IGF1R: variants seen among roughly 807,000 people sequenced by gnomAD.
IGF1R encodes insulin like growth factor 1 receptor, also known as insulin-like growth factor 1 receptor.
IGF1R carries 44 observed loss-of-function variants against 144.6 expected under a neutral mutation model. The observed-to-expected ratio is 0.30, with a 90% CI of 0.24 to 0.39. The LOEUF (loss-of-function observed/expected upper bound fraction) is 0.39, where lower values mean the gene tolerates loss of function less well. Among genes scored for constraint, IGF1R ranks in the 10% least tolerant of loss-of-function variants. IGF1R has a pLI of 1.00. For synonymous variants in IGF1R, 795 were observed against 722.8 expected (o/e 1.10, Z -1.60); for missense variants, 1,355 against 1,833.7 (o/e 0.74, Z 4.77).
chr15:98,697,450 G>C (rs753457143), intron 1 of IGF1R, among the ~76,000 whole-genome samples: 5 of 152,050 alleles, frequency 3.3e-5, no homozygotes, highest in Non-Finnish European at 7.4e-5. Flanking sequence ...CAGCACTCCT[G>C]GGGGACCCTT....
chr15:98,950,157 T>G (rs1039044439), intron 20 of IGF1R, among the ~76,000 whole-genome samples: 2 of 152,240 alleles, frequency 1.3e-5, no homozygotes, highest in African/African-American at 4.8e-5. Context: ...TGGGCTGTTA[T>G]GTCTGCATGA....
chr15:98,674,182 C>G (rs181842852), intron 1 of IGF1R, among the ~76,000 whole-genome samples: 3 of 152,204 alleles, frequency 2.0e-5, no homozygotes, highest in African/African-American at 7.2e-5. Context: ...TGCATTGAAA[C>G]AGGATTTGTT....
intron 1 of IGF1R, among the ~76,000 whole-genome samples, chr15:98,665,738 C>G (rs1010984663): frequency 6.6e-6 from 1 of 152,238 alleles, no homozygotes; most frequent in Non-Finnish European, 1.5e-5. Context: ...TGGAGCGGCC[C>G]ATGGCTGCCA....
At chr15:98,677,245 TTC>T (rs1374644748) in intron 1 of IGF1R, among the ~76,000 whole-genome samples, 2 of 152,190 alleles carry the variant, frequency 1.3e-5, no homozygotes, top group African/African-American at 4.8e-5. Context: ...CCTTCCTTGT[TTC>T]TTTTAGGTGA....
chr15:98,940,105 C>G (rs2016310958), intron 18 of IGF1R, among the ~76,000 whole-genome samples: 1 of 152,194 alleles, frequency 6.6e-6, no homozygotes, highest in South Asian at 2.1e-4. Context: ...TTTAATCTGC[C>G]TAATAAAAAC....
In IGF1R at chr15:98,962,145, C is replaced by G. The variant is rs2017251455; in HGVS notation, c.*4703C>G. ...ACACTGAGATCGATGGGTGAGAAGG[C>G]TAGGATGCTTGTCTAGTGTTCTTAG... On this transcript the variant is annotated 3_prime_UTR_variant, in exon 21 of 21. Transcript: ENST00000650285. 2 of 233,292 alleles carry G rather than the reference C, an allele frequency of 8.6e-6. No individual in the cohort carries two copies. Among genetic ancestry groups the G allele is most frequent in the Non-Finnish European group, 8.5e-6 (1 of 118,054 alleles). 14.5% of individuals were successfully genotyped at this position (233,292 alleles called of 1,614,324 possible).
chr15:98,853,667 CG>C (rs2011635697), intron 2 of IGF1R, among the ~76,000 whole-genome samples: 1 of 152,150 alleles, frequency 6.6e-6, no homozygotes, highest in Non-Finnish European at 1.5e-5. Context: ...CTCCCTCCTG[CG>C]ATTCTGAATT....
chr15:98,866,013 G>A (rs766347797), intron 2 of IGF1R, among the ~76,000 whole-genome samples: 1 of 152,202 alleles, frequency 6.6e-6, no homozygotes, highest in Non-Finnish European at 1.5e-5. Context: ...CCCGTCACCC[G>A]GATGGGTTGG....
intron 2 of IGF1R, among the ~76,000 whole-genome samples, chr15:98,791,804 G>A (rs6598552): frequency 0.86 from 131,236 of 152,276 alleles, 58,384 homozygotes; most frequent in Non-Finnish European, 0.97. Context: ...CTGTACAAAT[G>A]GAAGGTAGCA....
At chr15:98,697,208 A>C (rs2053614573) in intron 1 of IGF1R, among the ~76,000 whole-genome samples, 1 of 152,174 alleles carries the variant, frequency 6.6e-6, no homozygotes, top group East Asian at 1.9e-4. Context: ...TGGGGTACAG[A>C]TGTGCCAAAC....
intron 2 of IGF1R, among the ~76,000 whole-genome samples, chr15:98,719,823 T>G (rs2054206004): frequency 6.6e-6 from 1 of 152,206 alleles, no homozygotes; most frequent in Non-Finnish European, 1.5e-5. Flanking sequence ...GGAAAGCTTC[T>G]GTTGCTTATT....
intron 1 of IGF1R, among the ~76,000 whole-genome samples, chr15:98,656,740 C>G (rs1002777514): frequency 3.3e-5 from 5 of 151,512 alleles, no homozygotes; most frequent in African/African-American, 1.2e-4. Flanking sequence ...TACCATAGGT[C>G]TCTACTTCAG....
Position 98,958,954 on chromosome 15 carries a change from C to T in IGF1R, c.*1512C>T, listed in dbSNP as rs761746135. 3.4e-5 allele frequency: 8 copies of T among 233,354 alleles called. No homozygotes were observed. The highest frequency in any genetic ancestry group is 4.4e-5 in the African/African-American group (2 of 45,334). 14.5% of individuals were successfully genotyped at this position (233,354 alleles called of 1,614,324 possible). A position where few individuals can be genotyped will look rare whatever the true frequency, so the allele number is the denominator to read the frequency against. On this transcript the variant is annotated 3_prime_UTR_variant, in exon 21 of 21. Coordinates refer to ENST00000650285, the MANE Select transcript of IGF1R (RefSeq NM_000875.5). Reference sequence around the variant, plus strand: ...CCTGCCCCTTTAGTTGTTTTCTAACCCGTAGGCTCTCTGGGCACGAGGCAG... The same window carrying T: ...CCTGCCCCTTTAGTTGTTTTCTAACTCGTAGGCTCTCTGGGCACGAGGCAG...
chr15:98,801,610 A>T (rs1596315196), intron 2 of IGF1R, among the ~76,000 whole-genome samples: 1 of 152,282 alleles, frequency 6.6e-6, no homozygotes, highest in East Asian at 1.9e-4. Flanking sequence ...TCAAACAATG[A>T]TTTCCCCAAA....
At chr15:98,721,671 C>G (rs1468470253) in intron 2 of IGF1R, among the ~76,000 whole-genome samples, 1 of 152,180 alleles carries the variant, frequency 6.6e-6, no homozygotes, top group East Asian at 1.9e-4. Flanking sequence ...ACCAATCTTG[C>G]CTTGCTCTGG....
intron 2 of IGF1R, among the ~76,000 whole-genome samples, chr15:98,801,979 T>A (rs1373538008): frequency 6.6e-6 from 1 of 152,186 alleles, no homozygotes; most frequent in East Asian, 1.9e-4. Context: ...CATAGGTACC[T>A]GCCATTGTGC....
At chr15:98,653,928 GAAGC>G (rs764195924) in intron 1 of IGF1R, among the ~76,000 whole-genome samples, 2 of 152,218 alleles carry the variant, frequency 1.3e-5, no homozygotes, top group Non-Finnish European at 2.9e-5. Context: ...TGTGCTGTAA[GAAGC>G]AACTGAATCC....
intron 2 of IGF1R, among the ~76,000 whole-genome samples, chr15:98,806,518 G>A (rs2141447809): frequency 6.6e-6 from 1 of 151,748 alleles, no homozygotes; most frequent in East Asian, 1.9e-4. Context: ...CTGTTGAATA[G>A]TAGGAGACTC....
intron 2 of IGF1R, among the ~76,000 whole-genome samples, chr15:98,810,121 GTA>G (rs909413792): frequency 7.1e-6 from 1 of 140,006 alleles, no homozygotes; most frequent in African/African-American, 2.6e-5. Flanking sequence ...GTCCAGCTTT[GTA>G]GAAAGGCATG....
Sources: allele counts gnomAD v4.1 joint callset (sites outside exome capture counted in the v4.1 genomes callset), GRCh38; gene constraint gnomAD v4.1.1; transcripts MANE v1.5; gene names NCBI Gene and HGNC (gene_info 2026-07-23, HGNC 2026-07-21).